Variants in CRACD observed in about 807,000 individuals in gnomAD.
CRACD encodes capping protein-inhibiting regulator of actin dynamics.
In CRACD, 56 loss-of-function variants were observed where a neutral mutation model predicts 106.8. That is an observed-to-expected ratio of 0.52 (90% CI 0.42 to 0.66). The LOEUF is 0.66. Ranked by LOEUF, CRACD falls within the 30% of genes least tolerant of loss-of-function variation. The pLI, the probability that CRACD is intolerant of heterozygous loss-of-function variation, is 0.00. For missense variants in CRACD, 1,730 were observed against 1,623.2 expected, an observed-to-expected ratio of 1.07 and a Z score of -1.13; for synonymous variants, 754 against 670.8, an observed-to-expected ratio of 1.12 and a Z score of -1.92.
chr4:56,276,768 C>G (rs568438305), intron 3 of CRACD, among the ~76,000 whole-genome samples: 7 of 152,216 alleles, frequency 4.6e-5, no homozygotes, highest in Non-Finnish European at 8.8e-5. Flanking sequence ...AGTCACTAGG[C>G]TCAGATGTCT....
At chr4:56,216,965 C>T (rs991662200) in intron 2 of CRACD, among the ~76,000 whole-genome samples, 233 of 122,560 alleles carry the variant, frequency 1.9e-3, no homozygotes, top group African/African-American at 6.9e-3. Context: ...CCGGCCTGGG[C>T]GACAGAGCGA....
rs374546411 is a variant in CRACD at position 56,056,451 on chromosome 4, C to T, written c.-336+7152C>T. Among the ~76,000 whole-genome samples, 48 of 152,100 alleles carry T rather than the reference C, an allele frequency of 3.2e-4. 1 individual carries two copies. The East Asian group carries it at 5.2e-3, about 17-fold the overall frequency. On this transcript the variant is annotated intron_variant, in intron 1 of 10. Coordinates refer to ENST00000682029, the MANE Select transcript of CRACD (RefSeq NM_001393381.1). ...TCCTGCTGGTCCCATGTGGCTAGTC[C>T]GAATGGAGATGTGCTATCAATTTAA...
intron 2 of CRACD, among the ~76,000 whole-genome samples, chr4:56,180,262 T>C (rs1736758522): frequency 6.6e-6 from 1 of 151,798 alleles, no homozygotes; most frequent in African/African-American, 2.4e-5. Context: ...GAGGCCGAGG[T>C]GGGCGAATCA....
At chr4:56,092,348 G>T (rs1480381693) in intron 1 of CRACD, among the ~76,000 whole-genome samples, 6 of 152,198 alleles carry the variant, frequency 3.9e-5, no homozygotes, top group African/African-American at 1.4e-4. Flanking sequence ...TTGCTTATGG[G>T]AGTCGGTGTG....
chr4:56,199,687 AAAAAAAGAAAAG>A (rs1431211580), intron 2 of CRACD, among the ~76,000 whole-genome samples: 5 of 147,532 alleles, frequency 3.4e-5, no homozygotes, highest in African/African-American at 1.3e-4. Flanking sequence ...GTCTCAAAAA[AAAAAAAGAAAAG>A]AAAAAAAAAG....
At chr4:56,210,229 AC>A (rs1380087154) in intron 2 of CRACD, among the ~76,000 whole-genome samples, 1 of 152,202 alleles carries the variant, frequency 6.6e-6, no homozygotes, top group Non-Finnish European at 1.5e-5. Context: ...TTTTAAAAAT[AC>A]CTTAACCTTT....
intron 1 of CRACD, among the ~76,000 whole-genome samples, chr4:56,051,386 C>A (rs1731868756): frequency 6.6e-6 from 1 of 152,114 alleles, no homozygotes; most frequent in East Asian, 1.9e-4. Flanking sequence ...TGTGTTTCTT[C>A]CAAGAATGGG....
intron 2 of CRACD, among the ~76,000 whole-genome samples, chr4:56,193,112 A>C (rs1737455619): frequency 6.6e-6 from 1 of 152,206 alleles, no homozygotes; most frequent in Non-Finnish European, 1.5e-5. Flanking sequence ...TGGAAGACAA[A>C]GGAAGAGCAA....
chr4:56,142,066 A>T (rs368003976), intron 1 of CRACD, among the ~76,000 whole-genome samples: 4 of 152,322 alleles, frequency 2.6e-5, no homozygotes, highest in Admixed American at 6.5e-5. Flanking sequence ...GAATGTAAGA[A>T]GTTTTAAAAA....
intron 1 of CRACD, among the ~76,000 whole-genome samples, chr4:56,124,176 A>G (rs1341203083): frequency 2.0e-5 from 3 of 151,864 alleles, no homozygotes; most frequent in Non-Finnish European, 2.9e-5. Context: ...GACCTCAGGT[A>G]ATCCACCTGC....
In CRACD at chr4:56,327,816, C is replaced by G. The variant is rs771524745; in HGVS notation, c.*12C>G. ...AGATTATTAAGTAAAGAGTGACTCT[C>G]ACCCATCCCTACTGCCAGTTATTGG... On this transcript the variant is annotated 3_prime_UTR_variant, in exon 11 of 11. Coordinates refer to ENST00000682029, the MANE Select transcript of CRACD (RefSeq NM_001393381.1). The G allele has an allele frequency of 6.2e-7, 1 of 1,607,418 alleles. No homozygotes were observed. Among genetic ancestry groups the G allele is most frequent in the Non-Finnish European group, 8.5e-7 (1 of 1,175,282 alleles).
At position 56,199,019 on chromosome 4, in the gene CRACD, C is replaced by T. The variant is rs527318079; in HGVS notation, c.-189+19589C>T. 2.2e-4 allele frequency among the ~76,000 whole-genome samples: 33 copies of T among 152,098 alleles called. No homozygotes were observed. The East Asian group carries it at 2.7e-3, about 12-fold the overall frequency. ...TATGTTTTGGTGGGCTCCTTTTCAT[C>T]TCCTCTGGAATGGAGTGGCATTTTG... On this transcript the variant is annotated intron_variant, in intron 2 of 10. Coordinates refer to ENST00000682029, the MANE Select transcript of CRACD (RefSeq NM_001393381.1).
intron 1 of CRACD, among the ~76,000 whole-genome samples, chr4:56,161,076 A>T (rs1278452957): frequency 1.3e-5 from 2 of 152,194 alleles, no homozygotes; most frequent in East Asian, 3.8e-4. Context: ...AAACTCATTA[A>T]TGTCTTTAAA....
intron 1 of CRACD, among the ~76,000 whole-genome samples, chr4:56,151,182 A>C (rs1474368619): frequency 6.6e-6 from 1 of 152,038 alleles, no homozygotes; most frequent in Non-Finnish European, 1.5e-5. Context: ...ATTTTTGTAG[A>C]GACGGGGTTT....
At chr4:56,303,365 AAAG>A (rs1461839997) in intron 4 of CRACD, among the ~76,000 whole-genome samples, 1 of 151,636 alleles carries the variant, frequency 6.6e-6, no homozygotes, top group Non-Finnish European at 1.5e-5. Context: ...AAAAAAAAAG[AAAG>A]AAGGAACCTA....
chr4:56,058,517 A>G (rs1351255475), intron 1 of CRACD, among the ~76,000 whole-genome samples: 1 of 152,182 alleles, frequency 6.6e-6, no homozygotes, highest in East Asian at 1.9e-4. Context: ...TTTCTTAACC[A>G]CGGATGCTCC....
chr4:56,126,973 T>C (rs1431321523), intron 1 of CRACD, among the ~76,000 whole-genome samples: 6 of 152,208 alleles, frequency 3.9e-5, no homozygotes, highest in Admixed American at 2.6e-4. Flanking sequence ...TTTGTATCCC[T>C]TCCAAAATTT....
intron 1 of CRACD, among the ~76,000 whole-genome samples, chr4:56,159,511 G>T (rs1296089761): frequency 2.6e-5 from 4 of 151,952 alleles, no homozygotes; most frequent in Non-Finnish European, 4.4e-5. Flanking sequence ...AATTAGACGG[G>T]CGTGGTGGCG....
At chr4:56,202,494 A>G (rs1245655111) in intron 2 of CRACD, among the ~76,000 whole-genome samples, 2 of 152,120 alleles carry the variant, frequency 1.3e-5, no homozygotes, top group African/African-American at 4.8e-5. Context: ...TGATCTGCCC[A>G]CCTTGGCCTC....
Sources: allele counts gnomAD v4.1 joint callset (sites outside exome capture counted in the v4.1 genomes callset), GRCh38; gene constraint gnomAD v4.1.1; transcripts MANE v1.5; gene names NCBI Gene and HGNC (gene_info 2026-07-23, HGNC 2026-07-21).